The following OTUD7A variants were observed in gnomAD, a reference collection of about 807,000 sequenced individuals.
OTUD7A encodes the protein OTU domain-containing protein 7A.
In OTUD7A, 12 loss-of-function variants were observed where a neutral mutation model predicts 65.7. That is an observed-to-expected ratio of 0.18 (90% CI 0.12 to 0.30). The LOEUF is 0.30. Ranked by LOEUF, OTUD7A falls within the 10% of genes least tolerant of loss-of-function variation. OTUD7A has a pLI of 1.00. For missense variants in OTUD7A, 1,148 were observed against 1,304.8 expected, an observed-to-expected ratio of 0.88 and a Z score of 1.85; for synonymous variants, 641 against 586.3, an observed-to-expected ratio of 1.09 and a Z score of -1.35.
intron 5 of OTUD7A, among the ~76,000 whole-genome samples, chr15:31,531,520 C>CAAAAAAAAAAAAAAAAAAAAAA (rs60332452): frequency 2.5e-5 from 2 of 80,164 alleles, no homozygotes; most frequent in African/African-American, 4.2e-5. Flanking sequence ...GAGTAGGCCA[C>CAAAAAAAAAAAAAAAAAAAAAA]AAAAAAAAAA....
At chr15:31,698,302 G>C (rs1425794042) in intron 1 of OTUD7A, among the ~76,000 whole-genome samples, 1 of 152,100 alleles carries the variant, frequency 6.6e-6, no homozygotes, top group East Asian at 1.9e-4. Flanking sequence ...TCCTTCCCTG[G>C]TATCATGACC....
intron 3 of OTUD7A, among the ~76,000 whole-genome samples, chr15:31,604,144 CAT>C (rs1338870677): frequency 2.6e-5 from 4 of 152,176 alleles, no homozygotes; most frequent in African/African-American, 4.8e-5. Flanking sequence ...CACATGGACA[CAT>C]ATGTTTATTG....
chr15:31,799,420 C>A (rs1259796279), intron 1 of OTUD7A, among the ~76,000 whole-genome samples: 1 of 152,146 alleles, frequency 6.6e-6, no homozygotes, highest in Non-Finnish European at 1.5e-5. Context: ...GAAGACATAA[C>A]CTCCAATGTG....
intron 3 of OTUD7A, among the ~76,000 whole-genome samples, chr15:31,602,981 T>C (rs549539366): frequency 1.3e-5 from 2 of 152,274 alleles, no homozygotes; most frequent in Admixed American, 1.3e-4. Flanking sequence ...TGCTCATGGA[T>C]AGGAAGAAAC....
rs1401075116 is a variant in OTUD7A at position 31,487,800 on chromosome 15, G to A, written c.1172-234C>T. ...CGTCACCTGGACCCTGGCTCTCTTT[G>A]GGTCTGTCCAATGGCAGATACTCCA... On this transcript the variant is annotated intron_variant, in intron 10 of 12. Coordinates refer to ENST00000307050, the MANE Select transcript of OTUD7A (RefSeq NM_001382637.1). This position sits in a 1 kb window ranked among gnomAD's most constrained non-coding sequence, Gnocchi z 6.0. Among the ~76,000 whole-genome samples, 1 of 152,190 alleles carries A rather than the reference G, an allele frequency of 6.6e-6. No homozygotes were observed. Among genetic ancestry groups the A allele is most frequent in the East Asian group, 1.9e-4 (1 of 5,204 alleles).
intron 1 of OTUD7A, among the ~76,000 whole-genome samples, chr15:31,679,767 C>A (rs1447765360): frequency 6.6e-6 from 1 of 152,236 alleles, no homozygotes; most frequent in East Asian, 1.9e-4. Flanking sequence ...CTCTTTATTG[C>A]AGTGTGAAAA....
At chr15:31,726,404 T>C (rs1388231759) in intron 1 of OTUD7A, among the ~76,000 whole-genome samples, 3 of 151,782 alleles carry the variant, frequency 2.0e-5, no homozygotes, top group Non-Finnish European at 4.4e-5. Flanking sequence ...CCCACTTAAG[T>C]AGTAAGACTG....
intron 1 of OTUD7A, among the ~76,000 whole-genome samples, chr15:31,756,633 CACACACACACACACACA>C (rs1894821539): frequency 1.3e-3 from 1 of 750 alleles, no homozygotes; most frequent in African/African-American, 3.0e-3. Flanking sequence ...ACCCAACACA[CACACACACACACACACA>C]CACACACACA....
At chr15:31,714,707 T>C (rs1022776106) in intron 1 of OTUD7A, among the ~76,000 whole-genome samples, 11 of 152,308 alleles carry the variant, frequency 7.2e-5, no homozygotes, top group African/African-American at 2.6e-4. Flanking sequence ...AAAACAGCAT[T>C]ACTGGCATTC....
intron 1 of OTUD7A, among the ~76,000 whole-genome samples, chr15:31,789,400 T>C (rs1895755541): frequency 6.6e-6 from 1 of 152,224 alleles, no homozygotes; most frequent in African/African-American, 2.4e-5. Flanking sequence ...ATGTTTCTAA[T>C]ACTAAAGGTT....
At chr15:31,628,092 C>T (rs187870221) in intron 3 of OTUD7A, among the ~76,000 whole-genome samples, 10 of 152,186 alleles carry the variant, frequency 6.6e-5, no homozygotes, top group Admixed American at 5.2e-4. Context: ...AGCTCTTTAG[C>T]TTAATTAGAT....
rs201566439 is a variant in OTUD7A, at chr15:31,570,139, G to C, written c.210C>G (p.His70Gln). ...TGAACACATGTGGCAGATTGGCTGT[G>C]TGCACCTGGCGGAGCTGCTCATAGT... is the stretch of plus-strand genomic sequence containing the variant. The part of the protein sequence containing the change: ...LSDYEQLRQV[H>Q]TANLPHVFNE... Residue 70 changes from histidine to glutamine, a missense_variant, in exon 4 of 13, where the codon CAC (histidine) becomes CAG (glutamine). This residue lies in a region of OTUD7A where 51 missense variants were observed against 46.9 expected (regional missense o/e 1.09). Transcript: ENST00000307050. 9.0e-5 allele frequency: 146 copies of C among 1,614,192 alleles called. No homozygotes were observed. The Middle Eastern group carries it at 2.5e-3, about 27-fold the overall frequency.
At chr15:31,504,264 C>T (rs1199164930) in intron 8 of OTUD7A, among the ~76,000 whole-genome samples, 1 of 152,020 alleles carries the variant, frequency 6.6e-6, no homozygotes, top group Non-Finnish European at 1.5e-5. Flanking sequence ...CTGGTGGGGT[C>T]ATTACCACCA....
intron 1 of OTUD7A, among the ~76,000 whole-genome samples, chr15:31,793,945 C>G (rs1028048848): frequency 1.3e-5 from 2 of 152,194 alleles, no homozygotes; most frequent in African/African-American, 4.8e-5. Flanking sequence ...CTATGTTGAT[C>G]AGAAATTCTT....
intron 8 of OTUD7A, among the ~76,000 whole-genome samples, chr15:31,526,097 G>C (rs1428179341): frequency 6.6e-6 from 1 of 152,196 alleles, no homozygotes; most frequent in East Asian, 1.9e-4. Flanking sequence ...CAGCTCATGT[G>C]AGCTCACCTC....
intron 8 of OTUD7A, among the ~76,000 whole-genome samples, chr15:31,520,891 C>T (rs2041927423): frequency 6.6e-6 from 1 of 152,132 alleles, no homozygotes; most frequent in Admixed American, 6.5e-5. Flanking sequence ...AAGTGTCCAT[C>T]AACGTAGGAT....
At chr15:31,685,871 C>T (rs563466232) in intron 1 of OTUD7A, among the ~76,000 whole-genome samples, 42 of 152,228 alleles carry the variant, frequency 2.8e-4, no homozygotes, top group Non-Finnish European at 5.4e-4. Context: ...TCCTGGCCTT[C>T]TCTTGACTGG....
intron 1 of OTUD7A, among the ~76,000 whole-genome samples, chr15:31,845,225 G>A (rs1012585068): frequency 5.9e-5 from 9 of 152,112 alleles, no homozygotes; most frequent in African/African-American, 1.9e-4. Flanking sequence ...TCTCACCTGC[G>A]CTAGGCGACA....
At chr15:31,626,166 C>T (rs1163568407) in intron 3 of OTUD7A, among the ~76,000 whole-genome samples, 1 of 152,118 alleles carries the variant, frequency 6.6e-6, no homozygotes, top group Non-Finnish European at 1.5e-5. Flanking sequence ...AAGGCTTGTG[C>T]ATTTCATTGC....
Sources: allele counts gnomAD v4.1 joint callset (sites outside exome capture counted in the v4.1 genomes callset), GRCh38; gene constraint gnomAD v4.1.1; regional missense constraint gnomAD v4.1.1; non-coding constraint Gnocchi (gnomAD v3.1); transcripts MANE v1.5; gene names NCBI Gene and HGNC (gene_info 2026-07-23, HGNC 2026-07-21).